Variants in FBXL18 observed in about 807,000 individuals in gnomAD.
FBXL18 encodes the protein F-box/LRR-repeat protein 18.
Under a neutral mutation model 46.0 loss-of-function variants are expected in FBXL18, and 36 were observed. The ratio of observed to expected loss-of-function variants is 0.78; its 90% CI spans 0.60 to 1.03. The LOEUF (loss-of-function observed/expected upper bound fraction) is 1.03. Ranked by LOEUF, FBXL18 falls within the 50% of genes least tolerant of loss-of-function variation. The pLI is 0.00. For missense variants in FBXL18, 977 were observed against 1,004.1 expected (o/e 0.97, Z 0.36); for synonymous variants, 557 against 465.3 (o/e 1.20, Z -2.54).
Position 5,490,143 on chromosome 7 carries a change from C to T in FBXL18, c.2000+1088G>A, listed in dbSNP as rs1319272793. 7 of 1,358,430 alleles carry T rather than the reference C, an allele frequency of 5.2e-6. No individual in the cohort carries two copies. The East Asian group carries it at 2.8e-4, about 54-fold the overall frequency. The allele number at this position is 1,358,430 out of a possible 1,614,324, so 84.1% of individuals were successfully genotyped here. On this transcript the variant is annotated intron_variant, in intron 4 of 4. Transcript: ENST00000382368. ...GTTGTCGGCGCCCAGTGGCTCGAGA[C>T]GTCCTGGCTGATGGCTCTTCTCGCA...
At chr7:5,511,924 T>A (rs1784544646) in intron 1 of FBXL18, among the ~76,000 whole-genome samples, 1 of 151,604 alleles carries the variant, frequency 6.6e-6, no homozygotes, top group South Asian at 2.1e-4. Flanking sequence ...TCTAAAAAAA[T>A]TTTAAAAAGA....
intron 4 of FBXL18, among the ~76,000 whole-genome samples, chr7:5,484,073 G>A (rs1196768299): frequency 6.6e-6 from 1 of 152,132 alleles, no homozygotes; most frequent in Non-Finnish European, 1.5e-5. Context: ...GAACACCACG[G>A]GTCATGTGGC....
At chr7:5,457,676 G>A (rs1783191134) in intron 4 of FBXL18, among the ~76,000 whole-genome samples, 1 of 152,324 alleles carries the variant, frequency 6.6e-6, no homozygotes, top group East Asian at 1.9e-4. Flanking sequence ...GGAAGGCTTG[G>A]GAAATGCAGC....
intron 3 of FBXL18, among the ~76,000 whole-genome samples, chr7:5,493,575 G>GAGATAACCACATCCACATTCT (rs1783988267): frequency 6.6e-6 from 1 of 152,056 alleles, no homozygotes; most frequent in African/African-American, 2.4e-5. Context: ...GATTACAGGC[G>GAGATAACCACATCCACATTCT]TGGGCCACTG....
intron 4 of FBXL18, among the ~76,000 whole-genome samples, chr7:5,484,552 T>G (rs570236442): frequency 4.8e-4 from 72 of 150,444 alleles, no homozygotes; most frequent in African/African-American, 1.7e-3. Flanking sequence ...TTGCTCTATC[T>G]CCCAGACTGG....
chr7:5,500,374 G>A lies in FBXL18; in HGVS notation c.1781+114C>T, dbSNP rs137986847. On this transcript the variant is annotated intron_variant, in intron 3 of 4. Coordinates refer to ENST00000382368, the MANE Select transcript of FBXL18 (RefSeq NM_024963.6). ...CCGACGTGGCACGCTGCGAGGCCCC[G>A]CCCCAGCCTCTGCACTCCTGGAGGG... is the stretch of plus-strand genomic sequence containing the variant. 97 of 991,690 alleles carry A rather than the reference G, an allele frequency of 9.8e-5. No homozygotes were observed. The African/African-American group carries it at 1.4e-3, about 14-fold the overall frequency. 61.4% of individuals were successfully genotyped at this position (991,690 alleles called of 1,614,324 possible).
intron 4 of FBXL18, among the ~76,000 whole-genome samples, chr7:5,463,720 A>ATATATAT (rs1440019641): frequency 1.1e-4 from 7 of 63,286 alleles, no homozygotes; most frequent in Non-Finnish European, 1.7e-4. Flanking sequence ...TTATTTATTT[A>ATATATAT]TTTATTTATT....
At chr7:5,493,147 C>A (rs990841506) in intron 3 of FBXL18, among the ~76,000 whole-genome samples, 1 of 152,110 alleles carries the variant, frequency 6.6e-6, no homozygotes, top group Non-Finnish European at 1.5e-5. Flanking sequence ...AGAGCCTGGG[C>A]GACATAGTGA....
At chr7:5,470,648 TC>T (rs1783411861) in intron 4 of FBXL18, among the ~76,000 whole-genome samples, 1 of 151,762 alleles carries the variant, frequency 6.6e-6, no homozygotes, top group Non-Finnish European at 1.5e-5. Flanking sequence ...CCAGGCCCCT[TC>T]CGCAGAGGCT....
chr7:5,508,417 G>C (rs1164331809), intron 1 of FBXL18, among the ~76,000 whole-genome samples: 1 of 150,848 alleles, frequency 6.6e-6, no homozygotes, highest in Non-Finnish European at 1.5e-5. Context: ...CATCCAGCCT[G>C]GGCAACAGAG....
At chr7:5,510,953 A>T (rs1004017013) in intron 1 of FBXL18, among the ~76,000 whole-genome samples, 1 of 152,228 alleles carries the variant, frequency 6.6e-6, no homozygotes, top group African/African-American at 2.4e-5. Context: ...AAAGTGGTTT[A>T]AAGAGTTTAG....
chr7:5,494,504 ATT>A (rs1207787050), intron 3 of FBXL18, among the ~76,000 whole-genome samples: 2 of 152,180 alleles, frequency 1.3e-5, no homozygotes, highest in Non-Finnish European at 2.9e-5. Context: ...ATTTTTCTAT[ATT>A]TGTTTTGTTA....
chr7:5,457,921 C>A (rs1362838364), intron 4 of FBXL18, among the ~76,000 whole-genome samples: 2 of 152,172 alleles, frequency 1.3e-5, no homozygotes, highest in African/African-American at 4.8e-5. Context: ...CTATTCAATT[C>A]TCTCAGCGAG....
rs572374087 is a variant in FBXL18, at chr7:5,513,779, C to A, written c.-105G>T. 4.8e-6 allele frequency: 7 copies of A among 1,469,574 alleles called. No individual in the cohort carries two copies. The highest frequency in any genetic ancestry group is 5.0e-5 in the East Asian group (2 of 39,946). The allele number at this position is 1,469,574 out of a possible 1,614,324, so 91.0% of individuals were successfully genotyped here. A position where few individuals can be genotyped will look rare whatever the true frequency, so the allele number is the denominator to read the frequency against. On this transcript the variant is annotated 5_prime_UTR_variant, in exon 1 of 5. Coordinates refer to ENST00000382368, the MANE Select transcript of FBXL18 (RefSeq NM_024963.6). ...CGGCGCGTCCACCGCTCAACCGAGA[C>A]CCCGGCAAGGAGCGGGCTCTCGTCA...
intron 1 of FBXL18, 45 bp from the exon 2 acceptor site, chr7:5,505,675 G>A: frequency 6.5e-7 from 1 of 1,546,516 alleles, no homozygotes; most frequent in Non-Finnish European, 8.9e-7. Context: ...CCCAAGGATG[G>A]CTGTCAGCCT....
chr7:5,492,707 C>A (rs1448756616), intron 3 of FBXL18, among the ~76,000 whole-genome samples: 1 of 152,054 alleles, frequency 6.6e-6, no homozygotes, highest in Non-Finnish European at 1.5e-5. Flanking sequence ...CAGGTGAAGG[C>A]ACAGAGATAC....
At chr7:5,509,485 G>A (rs1054176960) in intron 1 of FBXL18, among the ~76,000 whole-genome samples, 2 of 152,022 alleles carry the variant, frequency 1.3e-5, no homozygotes, top group Admixed American at 6.6e-5. Flanking sequence ...ACGAGGTCAG[G>A]AGTTCGAGAC....
intron 1 of FBXL18, among the ~76,000 whole-genome samples, chr7:5,512,012 G>A (rs1023472225): frequency 1.3e-5 from 2 of 151,388 alleles, no homozygotes; most frequent in Non-Finnish European, 2.9e-5. Flanking sequence ...GAAGAGGGTG[G>A]ATCACGAGGT....
At position 5,466,413 on chromosome 7, in the gene FBXL18, C is replaced by G. The variant is rs951634246; in HGVS notation, c.2001-18570G>C. Among the ~76,000 whole-genome samples, 33 of 152,200 alleles carry G rather than the reference C, an allele frequency of 2.2e-4. 1 individual carries two copies. The highest frequency in any genetic ancestry group is 2.2e-3 in the Admixed American group (33 of 15,282). ...GCCTTTGCCAGCTTCTAGAATCTGC[C>G]TGCACTCCTTGGCTGGAGGGAGGAC... On this transcript the variant is annotated intron_variant and NMD_transcript_variant, in intron 4 of 6. Coordinates refer to the FBXL18 transcript ENST00000415009.
Sources: allele counts gnomAD v4.1 joint callset (sites outside exome capture counted in the v4.1 genomes callset), GRCh38; gene constraint gnomAD v4.1.1; transcripts MANE v1.5; gene names NCBI Gene and HGNC (gene_info 2026-07-23, HGNC 2026-07-21).